The following HS3ST5 variants were observed in gnomAD, a reference collection of about 807,000 sequenced individuals.
HS3ST5 encodes heparan sulfate-glucosamine 3-sulfotransferase 5.
A neutral mutation model predicts 25.4 loss-of-function variants in HS3ST5; 10 were observed. The ratio of observed to expected loss-of-function variants is 0.39; its 90% CI spans 0.24 to 0.67. The LOEUF is 0.67. Ranked by LOEUF, HS3ST5 falls within the 30% of genes least tolerant of loss-of-function variation. The pLI, the probability that HS3ST5 is intolerant of heterozygous loss-of-function variation, is 0.44. For missense variants in HS3ST5, 324 were observed against 420.7 expected (o/e 0.77, Z 2.01); for synonymous variants, 170 against 162.4 (o/e 1.05, Z -0.36).
At chr6:114,300,922 G>T (rs1775046396) in intron 1 of HS3ST5, among the ~76,000 whole-genome samples, 1 of 152,174 alleles carries the variant, frequency 6.6e-6, no homozygotes, top group Admixed American at 6.5e-5. Flanking sequence ...TGTATGCTTA[G>T]ATTTGTATAA....
intron 1 of HS3ST5, among the ~76,000 whole-genome samples, chr6:114,321,921 AATTATT>A (rs1299508837): frequency 2.6e-5 from 4 of 152,148 alleles, no homozygotes; most frequent in African/African-American, 9.7e-5. Context: ...CTTTCCAATT[AATTATT>A]AAGATCATAC....
rs114289698 is a variant in HS3ST5, at chr6:114,089,825, T to A, written c.-32-26948A>T. On this transcript the variant is annotated intron_variant, in intron 3 of 4. Transcript: ENST00000312719. ...ATCTCATGATCTCAGTCTCCCCAGA[T>A]AATTTCTTATTCTTTATTCTCTTCA... Among the ~76,000 whole-genome samples the A allele has an allele frequency of 6.9e-3, 1,056 of 152,356 alleles. 17 individuals are homozygous for A. Among genetic ancestry groups the A allele is most frequent in the African/African-American group, 0.024 (993 of 41,584 alleles).
intron 3 of HS3ST5, among the ~76,000 whole-genome samples, chr6:114,111,359 A>C (rs1776259206): frequency 6.6e-6 from 1 of 152,206 alleles, no homozygotes. Context: ...TAGCAAATTA[A>C]ATGCTAAATG....
At chr6:114,069,628 C>T (rs890589082) in intron 3 of HS3ST5, among the ~76,000 whole-genome samples, 7 of 151,200 alleles carry the variant, frequency 4.6e-5, no homozygotes, top group African/African-American at 1.7e-4. Context: ...AAGCAATTCT[C>T]CTGCCTCAGC....
At chr6:114,160,285 A>G (rs550157719) in intron 3 of HS3ST5, among the ~76,000 whole-genome samples, 1 of 152,272 alleles carries the variant, frequency 6.6e-6, no homozygotes, top group Non-Finnish European at 1.5e-5. Context: ...AATTACTAAT[A>G]CTTTCTCAGT....
chr6:114,263,213 T>C (rs1773255112), intron 1 of HS3ST5, among the ~76,000 whole-genome samples: 1 of 152,154 alleles, frequency 6.6e-6, no homozygotes, highest in South Asian at 2.1e-4. Context: ...AGCATTTTAT[T>C]TTGGGACTCT....
rs1314024171 is a variant in HS3ST5, at chr6:114,270,793, AAAGCTTGTTCTC to A, written c.-338-42027_-338-42016del. Among the ~76,000 whole-genome samples the A allele has an allele frequency of 1.7e-4, 26 of 152,290 alleles. No individual in the cohort carries two copies. In the South Asian group the frequency reaches 1.9e-3, roughly 11 times the overall value. On this transcript the variant is annotated intron_variant, in intron 1 of 4. Coordinates refer to ENST00000312719, the MANE Select transcript of HS3ST5 (RefSeq NM_153612.4). ...TTTTTATCACTGAATATGAATTCAGAAAGCTTGTTCTCATTACAAAAAATAAAAAGGGTTGGG... is the reference window on the plus strand; with the variant it reads ...TTTTTATCACTGAATATGAATTCAGAATTACAAAAAATAAAAAGGGTTGGG...
chr6:114,161,005 G>A (rs1778919148), intron 3 of HS3ST5, among the ~76,000 whole-genome samples: 1 of 152,110 alleles, frequency 6.6e-6, no homozygotes, highest in Non-Finnish European at 1.5e-5. Flanking sequence ...AGGACACCTG[G>A]GTGGGTAGGC....
At chr6:114,183,705 T>G (rs897407801) in intron 2 of HS3ST5, among the ~76,000 whole-genome samples, 1 of 152,136 alleles carries the variant, frequency 6.6e-6, no homozygotes, top group African/African-American at 2.4e-5. Flanking sequence ...TCTAAGAAAC[T>G]GAGATGATCA....
At chr6:114,255,119 A>G (rs1772845793) in intron 1 of HS3ST5, among the ~76,000 whole-genome samples, 1 of 152,264 alleles carries the variant, frequency 6.6e-6, no homozygotes, top group Admixed American at 6.5e-5. Flanking sequence ...TGCTAGATAC[A>G]GTGGGGGTAC....
At chr6:114,225,852 A>T (rs2114511257) in intron 2 of HS3ST5, among the ~76,000 whole-genome samples, 1 of 151,964 alleles carries the variant, frequency 6.6e-6, no homozygotes, top group African/African-American at 2.4e-5. Flanking sequence ...TAGTTTTCCT[A>T]CCCCAAACTC....
intron 2 of HS3ST5, among the ~76,000 whole-genome samples, chr6:114,216,728 TAAAAAA>T (rs760077446): frequency 3.3e-5 from 3 of 90,160 alleles, no homozygotes; most frequent in Non-Finnish European, 6.3e-5. Context: ...TCGTCCTCCT[TAAAAAA>T]AAAAAAAAAA....
chr6:114,269,300 A>T (rs1773538430), intron 1 of HS3ST5, among the ~76,000 whole-genome samples: 1 of 152,162 alleles, frequency 6.6e-6, no homozygotes, highest in African/African-American at 2.4e-5. Context: ...GAGAGTGGAG[A>T]TCTGATTCAG....
At chr6:114,282,458 C>A (rs1009863413) in intron 1 of HS3ST5, among the ~76,000 whole-genome samples, 38 of 152,054 alleles carry the variant, frequency 2.5e-4, no homozygotes, top group African/African-American at 7.7e-4. Flanking sequence ...CCCACAGCAT[C>A]CCCGTTCTCT....
chr6:114,292,991 G>T (rs2114780699), intron 1 of HS3ST5, among the ~76,000 whole-genome samples: 1 of 151,996 alleles, frequency 6.6e-6, no homozygotes, highest in Non-Finnish European at 1.5e-5. Context: ...CACGGATGTG[G>T]AATCCATGGA....
intron 1 of HS3ST5, among the ~76,000 whole-genome samples, chr6:114,324,139 T>C (rs1469353519): frequency 6.6e-6 from 1 of 152,194 alleles, no homozygotes; most frequent in Non-Finnish European, 1.5e-5. Context: ...ATAATGTAAC[T>C]ACATAAAAAT....
intron 1 of HS3ST5, among the ~76,000 whole-genome samples, chr6:114,292,933 TTTTG>T (rs1774645155): frequency 6.6e-6 from 1 of 151,860 alleles, no homozygotes; most frequent in Non-Finnish European, 1.5e-5. Context: ...TATTGCTATT[TTTTG>T]TTTTTTTTTT....
At chr6:114,109,546 C>T (rs947980509) in intron 3 of HS3ST5, among the ~76,000 whole-genome samples, 8 of 152,186 alleles carry the variant, frequency 5.3e-5, no homozygotes, top group African/African-American at 1.9e-4. Context: ...TTCATGAGCT[C>T]CAGCTGTCTG....
chr6:114,277,638 A>C (rs1452173633), intron 1 of HS3ST5, among the ~76,000 whole-genome samples: 2 of 151,934 alleles, frequency 1.3e-5, no homozygotes, highest in Non-Finnish European at 1.5e-5. Context: ...TTCTTGCACA[A>C]AACATTTATT....
Sources: gnomAD v4.1 joint callset for allele counts (sites outside exome capture counted in the v4.1 genomes callset) on GRCh38, gnomAD v4.1.1 for gene constraint, MANE v1.5 for transcripts, NCBI Gene and HGNC (gene_info 2026-07-23, HGNC 2026-07-21) for gene names.